Variants in MAP3K7 observed in about 807,000 individuals in gnomAD.
MAP3K7 encodes the protein TGF-beta activated kinase 1.
A neutral mutation model predicts 84.8 loss-of-function variants in MAP3K7; 21 were observed. The observed-to-expected ratio is 0.25, with a 90% CI of 0.18 to 0.36. MAP3K7 has a LOEUF of 0.36. Among genes scored for constraint, MAP3K7 ranks in the 10% least tolerant of loss-of-function variants. The pLI is 1.00. For synonymous variants in MAP3K7, 241 were observed against 247.7 expected (o/e 0.97, Z 0.25); for missense variants, 503 against 747.7 (o/e 0.67, Z 3.82).
chr6:90,564,771 T>C (rs1776646565), intron 3 of MAP3K7, among the ~76,000 whole-genome samples: 1 of 152,228 alleles, frequency 6.6e-6, no homozygotes, highest in Non-Finnish European at 1.5e-5. Flanking sequence ...ATACACATTC[T>C]TCTCAGCACC....
At chr6:90,540,846 C>CT (rs748603526) in intron 12 of MAP3K7, among the ~76,000 whole-genome samples, 40 of 151,848 alleles carry the variant, frequency 2.6e-4, no homozygotes, top group Non-Finnish European at 5.0e-4. Flanking sequence ...GGCATTCTAC[C>CT]TGTTCCTCTT....
At chr6:90,566,558 AAAG>A (rs1776711819) in intron 3 of MAP3K7, among the ~76,000 whole-genome samples, 2 of 152,222 alleles carry the variant, frequency 1.3e-5, no homozygotes, top group East Asian at 1.9e-4. Context: ...CATTGGAATA[AAAG>A]AAGACACAAA....
intron 11 of MAP3K7, among the ~76,000 whole-genome samples, chr6:90,546,879 T>C (rs932920322): frequency 6.6e-6 from 1 of 152,170 alleles, no homozygotes; most frequent in African/African-American, 2.4e-5. Flanking sequence ...AACAAAATAT[T>C]TGCTATTATT....
At chr6:90,520,304 A>G (rs1230837294) in intron 14 of MAP3K7, among the ~76,000 whole-genome samples, 3 of 152,082 alleles carry the variant, frequency 2.0e-5, no homozygotes, top group Non-Finnish European at 2.9e-5. Context: ...ACTGTATGCA[A>G]TCCAAAAAAA....
intron 11 of MAP3K7, among the ~76,000 whole-genome samples, chr6:90,546,891 G>A (rs989721850): frequency 2.0e-5 from 3 of 152,066 alleles, no homozygotes; most frequent in Non-Finnish European, 2.9e-5. Context: ...GCTATTATTT[G>A]AGTTCAGCAC....
intron 7 of MAP3K7, 107 bp from the exon 8 acceptor site, chr6:90,552,286 G>A: frequency 9.7e-7 from 1 of 1,035,384 alleles, no homozygotes; most frequent in African/African-American, 1.6e-5. Context: ...AGATCTTGTA[G>A]TTTAAGATCT....
At chr6:90,522,566 G>A (rs1775186707) in intron 14 of MAP3K7, among the ~76,000 whole-genome samples, 1 of 152,140 alleles carries the variant, frequency 6.6e-6, no homozygotes, top group Non-Finnish European at 1.5e-5. Flanking sequence ...CTACACATGT[G>A]CTGCGTAGTG....
chr6:90,537,433 T>C (rs1775716685), intron 12 of MAP3K7, among the ~76,000 whole-genome samples: 1 of 151,958 alleles, frequency 6.6e-6, no homozygotes, highest in African/African-American at 2.4e-5. Context: ...ATCAGCAATA[T>C]AATTTAGCAC....
intron 1 of MAP3K7, among the ~76,000 whole-genome samples, chr6:90,579,241 A>G (rs1777187158): frequency 6.6e-6 from 1 of 152,222 alleles, no homozygotes; most frequent in Non-Finnish European, 1.5e-5. Flanking sequence ...GGTTTTAAAA[A>G]GCCCTAATCT....
At chr6:90,562,642 T>C (rs1776564222) in intron 3 of MAP3K7, among the ~76,000 whole-genome samples, 1 of 152,208 alleles carries the variant, frequency 6.6e-6, no homozygotes, top group Non-Finnish European at 1.5e-5. Context: ...ACTCCACCTC[T>C]GGGGGCAGGG....
At chr6:90,574,029 G>A (rs975419051) in intron 1 of MAP3K7, among the ~76,000 whole-genome samples, 2 of 152,176 alleles carry the variant, frequency 1.3e-5, no homozygotes, top group African/African-American at 4.8e-5. Context: ...GCACACCCAG[G>A]CTCTGAAATC....
rs189625637 is a variant in MAP3K7 at position 90,552,880 on chromosome 6, C to A, written c.736+578G>T. Among the ~76,000 whole-genome samples, 315 of 152,268 alleles carry A rather than the reference C, an allele frequency of 2.1e-3. 3 individuals carry two copies. Among genetic ancestry groups the A allele is most frequent in the Non-Finnish European group, 3.1e-3 (213 of 68,020 alleles). ...AAGTCAGAAGCATCTGGATTTGAAT[C>A]CCAGCTCTACCACTTACTAATCTTG... On this transcript the variant is annotated intron_variant, in intron 7 of 16. Transcript: ENST00000369329.
intron 1 of MAP3K7, among the ~76,000 whole-genome samples, chr6:90,585,934 C>T (rs1582255347): frequency 6.6e-6 from 1 of 152,150 alleles, no homozygotes; most frequent in Non-Finnish European, 1.5e-5. Context: ...TGTGCGGTAT[C>T]GGAGAAATTG....
chr6:90,525,226 T>C (rs1775282067), intron 13 of MAP3K7, among the ~76,000 whole-genome samples: 1 of 152,044 alleles, frequency 6.6e-6, no homozygotes, highest in Non-Finnish European at 1.5e-5. Context: ...AGGCAAAAAC[T>C]ACCCCAAATA....
chr6:90,568,367 T>C (rs938311290), intron 3 of MAP3K7, among the ~76,000 whole-genome samples, 191 bp downstream of exon 3: 1 of 152,172 alleles, frequency 6.6e-6, no homozygotes. Context: ...CATGTACTCA[T>C]ATAGTCCTTG....
intron 1 of MAP3K7, among the ~76,000 whole-genome samples, chr6:90,578,122 T>C (rs1777147255): frequency 6.6e-6 from 1 of 152,200 alleles, no homozygotes; most frequent in African/African-American, 2.4e-5. Flanking sequence ...GAAATTATCC[T>C]TGTTGTGGCA....
In MAP3K7 at chr6:90,582,542, A is replaced by G. The variant is rs573130209; in HGVS notation, c.120+4222T>C. ...GGAATGCTTCTCTAAGGAAGTGTTA[A>G]TAACATTTGAGGTGGGACTTGACTG... is the stretch of plus-strand genomic sequence containing the variant. On this transcript the variant is annotated intron_variant, in intron 1 of 16. Coordinates refer to ENST00000369329, the MANE Select transcript of MAP3K7 (RefSeq NM_145331.3). Among the ~76,000 whole-genome samples the G allele has an allele frequency of 2.6e-5, 4 of 152,338 alleles. No homozygotes were observed. In the East Asian group the frequency reaches 7.7e-4, roughly 29 times the overall value.
chr6:90,562,238 G>A (rs1046085579), intron 3 of MAP3K7, among the ~76,000 whole-genome samples: 10 of 152,198 alleles, frequency 6.6e-5, no homozygotes, highest in Admixed American at 5.9e-4. Flanking sequence ...CAGACAGTGG[G>A]TGCAGCCCAT....
chr6:90,556,535 C>G lies in MAP3K7; in HGVS notation c.572G>C (p.Gly191Ala). 1 of 1,613,374 alleles carries G rather than the reference C, an allele frequency of 6.2e-7. No individual in the cohort carries two copies. The highest frequency in any genetic ancestry group is 8.5e-7 in the Non-Finnish European group (1 of 1,179,712). Residue 191 changes from glycine to alanine, a missense_variant, in exon 6 of 17, where the codon GGG (glycine) becomes GCG (alanine). Gly to Ala is a moderately conservative substitution (Grantham distance 60). This residue lies in a region of MAP3K7 where 97 missense variants were observed against 270.8 expected (regional missense o/e 0.36). Coordinates refer to ENST00000369329, the MANE Select transcript of MAP3K7 (RefSeq NM_145331.3). ...TTCAGGTGCCATCCAAGCAGCACTCCCCTTGTTATTGGTCATGTGTGTCTG... is the reference window on the plus strand; with the variant it reads ...TTCAGGTGCCATCCAAGCAGCACTCGCCTTGTTATTGGTCATGTGTGTCTG... ...DIQTHMTNNKGSAAWMAPEVF... is the reference protein window; with the variant it reads ...DIQTHMTNNKASAAWMAPEVF...
Sources: allele counts gnomAD v4.1 joint callset (sites outside exome capture counted in the v4.1 genomes callset), GRCh38; gene constraint gnomAD v4.1.1; regional missense constraint gnomAD v4.1.1; transcripts MANE v1.5; gene names NCBI Gene and HGNC (gene_info 2026-07-23, HGNC 2026-07-21).